The following TMEM132B variants were observed in gnomAD, a reference collection of about 807,000 sequenced individuals.
TMEM132B encodes the protein transmembrane protein 132B.
Under a neutral mutation model 90.8 loss-of-function variants are expected in TMEM132B, and 18 were observed. The observed-to-expected ratio is 0.20, with a 90% CI of 0.14 to 0.29. The LOEUF (loss-of-function observed/expected upper bound fraction) is 0.29, where lower values mean the gene tolerates loss of function less well. Ranked by LOEUF, TMEM132B falls within the 10% of genes least tolerant of loss-of-function variation. The pLI, the probability that TMEM132B is intolerant of heterozygous loss-of-function variation, is 1.00. For synonymous variants in TMEM132B, 504 were observed against 523.3 expected (o/e 0.96, Z 0.50); for missense variants, 1,096 against 1,326.8 (o/e 0.83, Z 2.70).
chr12:125,632,721 C>G (rs1886395126), intron 5 of TMEM132B, among the ~76,000 whole-genome samples: 1 of 151,824 alleles, frequency 6.6e-6, no homozygotes, highest in Non-Finnish European at 1.5e-5. Flanking sequence ...TCATGCCACT[C>G]TCTTCTGGCC....
chr12:125,563,336 C>T (rs1026273709), intron 4 of TMEM132B, among the ~76,000 whole-genome samples: 1 of 152,026 alleles, frequency 6.6e-6, no homozygotes, highest in African/African-American at 2.4e-5. Flanking sequence ...TGGCCGGGCG[C>T]GGTGGCTCAC....
At chr12:125,359,907 G>A (rs952568088) in intron 2 of TMEM132B, among the ~76,000 whole-genome samples, 8 of 152,120 alleles carry the variant, frequency 5.3e-5, no homozygotes, top group Admixed American at 2.0e-4. Context: ...GTGAAACCCC[G>A]TCTCTACTAA....
intron 1 of TMEM132B, among the ~76,000 whole-genome samples, chr12:125,322,199 G>A (rs138744938): frequency 3.9e-5 from 6 of 152,260 alleles, no homozygotes; most frequent in Non-Finnish European, 7.3e-5. Context: ...TGCTGTTCTC[G>A]TGACAGTGAA....
At chr12:125,289,990 T>G (rs1222822560) in intron 1 of TMEM132B, among the ~76,000 whole-genome samples, 1 of 152,196 alleles carries the variant, frequency 6.6e-6, no homozygotes, top group African/African-American at 2.4e-5. Flanking sequence ...CCATCATGCT[T>G]TATGTCCCCC....
At chr12:125,223,618 A>G (rs1465680965) in intron 1 of TMEM132B, among the ~76,000 whole-genome samples, 1 of 152,196 alleles carries the variant, frequency 6.6e-6, no homozygotes, top group Non-Finnish European at 1.5e-5. Flanking sequence ...GAACATTTTC[A>G]TCAGCCCAAA....
chr12:125,232,226 A>T (rs11058090), intron 1 of TMEM132B, among the ~76,000 whole-genome samples: 6,240 of 152,182 alleles, frequency 0.041, 144 homozygotes, highest in Non-Finnish European at 0.048. Flanking sequence ...GCTGATGTGA[A>T]CATCTTTGCC....
chr12:125,441,992 C>T (rs1327587920), intron 3 of TMEM132B, among the ~76,000 whole-genome samples: 2 of 152,166 alleles, frequency 1.3e-5, no homozygotes, highest in Non-Finnish European at 2.9e-5. Context: ...TCTTTTAAAA[C>T]CCAAAATACA....
intron 1 of TMEM132B, among the ~76,000 whole-genome samples, chr12:125,336,213 T>C (rs1876953487): frequency 6.6e-6 from 1 of 152,176 alleles, no homozygotes; most frequent in Non-Finnish European, 1.5e-5. Flanking sequence ...GTTCAATTTT[T>C]CTAGAGTGTT....
intron 4 of TMEM132B, among the ~76,000 whole-genome samples, chr12:125,554,544 G>A (rs539303899): frequency 4.6e-5 from 7 of 150,608 alleles, no homozygotes; most frequent in Non-Finnish European, 1.0e-4. Context: ...TTGGTGGATC[G>A]TCATGCTCTT....
chr12:125,602,132 A>G lies in TMEM132B; in HGVS notation c.1437+18138A>G, dbSNP rs185347596. On this transcript the variant is annotated intron_variant, in intron 5 of 8. Transcript: ENST00000682704. ...ATTTAATGAGGCCAGGATCGTCCTGATACCCAAACCTGGCAGAGACACAAC... is the reference window on the plus strand; with the variant it reads ...ATTTAATGAGGCCAGGATCGTCCTGGTACCCAAACCTGGCAGAGACACAAC... Among the ~76,000 whole-genome samples the G allele has an allele frequency of 2.1e-3, 325 of 152,346 alleles. 1 individual carries two copies. The highest frequency in any genetic ancestry group is 7.4e-3 in the African/African-American group (306 of 41,572).
At chr12:125,370,408 G>C (rs1878257570) in intron 2 of TMEM132B, among the ~76,000 whole-genome samples, 2 of 152,210 alleles carry the variant, frequency 1.3e-5, no homozygotes, top group South Asian at 4.1e-4. Flanking sequence ...ATCCAAGTCT[G>C]CCCTTCTTTA....
chr12:125,250,238 A>G (rs1380818456), intron 1 of TMEM132B, among the ~76,000 whole-genome samples: 7 of 152,246 alleles, frequency 4.6e-5, no homozygotes, highest in Non-Finnish European at 1.5e-5. Flanking sequence ...GCTGCAGACA[A>G]GGTCCCTGGT....
chr12:125,432,544 G>T (rs1363763812), intron 3 of TMEM132B, among the ~76,000 whole-genome samples: 12 of 118,058 alleles, frequency 1.0e-4, no homozygotes, highest in South Asian at 2.8e-4. Flanking sequence ...GAGAGAGAGA[G>T]AGAGAGAGAG....
intron 1 of TMEM132B, among the ~76,000 whole-genome samples, chr12:125,230,695 G>A (rs1228320009): frequency 2.7e-5 from 4 of 148,408 alleles, no homozygotes; most frequent in Admixed American, 6.7e-5. Flanking sequence ...CAGTAGAGAC[G>A]GGGTTTCACC....
Position 125,654,725 on chromosome 12 carries a change from T to C in TMEM132B, c.*15T>C. 1.2e-6 allele frequency: 2 copies of C among 1,605,616 alleles called. No homozygotes were observed. Among genetic ancestry groups the C allele is most frequent in the Non-Finnish European group, 1.7e-6 (2 of 1,175,286 alleles). On this transcript the variant is annotated 3_prime_UTR_variant, in exon 9 of 9. Coordinates refer to ENST00000682704, the MANE Select transcript of TMEM132B (RefSeq NM_001366854.1). This position sits in a 1 kb window ranked among gnomAD's most constrained non-coding sequence, Gnocchi z 5.8. ...ACCAGATGTAAACTCCTTTCTTATG[T>C]TTGTATTCACCTTTATGCCTTCTGT...
At chr12:125,506,073 A>G (rs1882841751) in intron 3 of TMEM132B, among the ~76,000 whole-genome samples, 2 of 152,278 alleles carry the variant, frequency 1.3e-5, no homozygotes, top group Non-Finnish European at 2.9e-5. Flanking sequence ...GAATGTTTAC[A>G]ACAGCATATT....
rs1425766432 is a variant in TMEM132B at position 125,407,865 on chromosome 12, A to G, written c.960-7666A>G. 6.6e-6 allele frequency among the ~76,000 whole-genome samples: 1 copy of G among 152,198 alleles called. No homozygotes were observed. The highest frequency in any genetic ancestry group is 2.4e-5 in the African/African-American group (1 of 41,454). On this transcript the variant is annotated intron_variant, in intron 2 of 8. Coordinates refer to ENST00000682704, the MANE Select transcript of TMEM132B (RefSeq NM_001366854.1). The surrounding 1 kb of genome is among the most constrained non-coding windows in gnomAD (Gnocchi z 6.7). ...GGCTCTGACTTACGTCCCTGTTACA[A>G]TGCACTTGCTCTGTTTTGAACTTCA...
intron 1 of TMEM132B, among the ~76,000 whole-genome samples, chr12:125,238,381 A>AC (rs1435633508): frequency 4.8e-5 from 7 of 146,262 alleles, no homozygotes; most frequent in South Asian, 2.1e-4. Flanking sequence ...AAAAAACAAA[A>AC]AAAAACCAAA....
chr12:125,641,466 T>G (rs1886629420), intron 5 of TMEM132B, among the ~76,000 whole-genome samples: 1 of 152,232 alleles, frequency 6.6e-6, no homozygotes, highest in African/African-American at 2.4e-5. Flanking sequence ...CTCAGTATGA[T>G]TAGCCTTATT....
Sources: allele counts gnomAD v4.1 joint callset (sites outside exome capture counted in the v4.1 genomes callset), GRCh38; gene constraint gnomAD v4.1.1; non-coding constraint Gnocchi (gnomAD v3.1); transcripts MANE v1.5; gene names NCBI Gene and HGNC (gene_info 2026-07-23, HGNC 2026-07-21).